The following ESRRB variants were observed in gnomAD, a reference collection of about 807,000 sequenced individuals.
ESRRB encodes estrogen related receptor beta.
A neutral mutation model predicts 46.0 loss-of-function variants in ESRRB; 16 were observed. The ratio of observed to expected loss-of-function variants is 0.35; its 90% CI spans 0.24 to 0.53. The LOEUF (loss-of-function observed/expected upper bound fraction) is 0.53. Ranked by LOEUF, ESRRB falls within the 20% of genes least tolerant of loss-of-function variation. The probability of loss-of-function intolerance (pLI) is 0.93; values close to 1 mark genes in which losing one functional copy is unlikely to be tolerated. For synonymous variants in ESRRB, 246 were observed against 259.6 expected (o/e 0.95, Z 0.50); for missense variants, 488 against 607.4 (o/e 0.80, Z 2.07).
At chr14:76,337,361 A>T (rs559444310) in intron 1 of ESRRB, among the ~76,000 whole-genome samples, 1 of 152,166 alleles carries the variant, frequency 6.6e-6, no homozygotes, top group South Asian at 2.1e-4. Context: ...GATGCAATAG[A>T]GGTGTTAGGT....
rs553762772 is a variant in ESRRB at position 76,323,070 on chromosome 14, G to A, written c.2+12154G>A. Among the ~76,000 whole-genome samples the A allele has an allele frequency of 2.0e-3, 310 of 152,228 alleles. 1 individual carries two copies. The highest frequency in any genetic ancestry group is 7.2e-3 in the African/African-American group (301 of 41,536). On this transcript the variant is annotated intron_variant, in intron 1 of 6. Coordinates refer to the ESRRB transcript ENST00000512784. ...CTTCTGAATGCAGTGGGTGGGGGGC[G>A]TCTGGGGGATGCTAGCATATGTTTA...
At chr14:76,465,860 G>C (rs1274919198) in intron 3 of ESRRB, among the ~76,000 whole-genome samples, 1 of 150,080 alleles carries the variant, frequency 6.7e-6, no homozygotes, top group Non-Finnish European at 1.5e-5. Context: ...GGACAAAGCA[G>C]GGAGCCACGT....
intron 5 of ESRRB, among the ~76,000 whole-genome samples, chr14:76,486,826 C>A (rs1220961009): frequency 1.3e-5 from 2 of 152,158 alleles, no homozygotes; most frequent in African/African-American, 2.4e-5. Context: ...CCAGACCCTC[C>A]CGGTAGCCTC....
At chr14:76,370,317 G>C (rs1884592490), upstream of ESRRB, among the ~76,000 whole-genome samples, 1 of 151,734 alleles carries the variant, frequency 6.6e-6, no homozygotes, top group Non-Finnish European at 1.5e-5. Context: ...AGAATTACTT[G>C]AACTCGGGAG....
intron 1 of ESRRB, among the ~76,000 whole-genome samples, chr14:76,381,647 C>T (rs1173522422): frequency 6.6e-6 from 1 of 152,196 alleles, no homozygotes; most frequent in Non-Finnish European, 1.5e-5. Flanking sequence ...TTGTGACTTC[C>T]ATCTGGTGCT....
At chr14:76,374,728 C>T (rs965295884), upstream of ESRRB, among the ~76,000 whole-genome samples, 2 of 152,074 alleles carry the variant, frequency 1.3e-5, no homozygotes, top group South Asian at 2.1e-4. Flanking sequence ...TTTTAAAAAT[C>T]GGGGGCTGCT....
chr14:76,341,404 G>A (rs946942226), intron 1 of ESRRB, among the ~76,000 whole-genome samples: 1 of 152,220 alleles, frequency 6.6e-6, no homozygotes, highest in Non-Finnish European at 1.5e-5. Context: ...AACAGTTCAT[G>A]TACTCCCCTC....
Position 76,491,592 on chromosome 14 carries a change from C to T in ESRRB, c.996C>T (p.His332=), listed in dbSNP as rs1226343874. The T allele has an allele frequency of 1.9e-6, 3 of 1,588,590 alleles. No individual in the cohort carries two copies. The highest frequency in any genetic ancestry group is 2.3e-5 in the East Asian group (1 of 44,064). ...YAEDYIMDEE[H]SRLAGLLELY... ...AGGACTACATCATGGATGAGGAGCA[C>T]TCCCGCCTCGCGGGGCTGCTGGAGC... Residue 332 remains histidine (H), a synonymous_variant, in exon 6 of 7, where the codon CAC becomes CAT. Coordinates refer to ENST00000644823, the MANE Select transcript of ESRRB (RefSeq NM_001379180.1).
At chr14:76,477,764 A>T (rs989027589) in intron 3 of ESRRB, among the ~76,000 whole-genome samples, 2 of 152,194 alleles carry the variant, frequency 1.3e-5, no homozygotes, top group African/African-American at 4.8e-5. Flanking sequence ...GCGTAATCTG[A>T]TAATTGATAC....
intron 1 of ESRRB, among the ~76,000 whole-genome samples, chr14:76,339,584 G>A (rs11626504): frequency 0.29 from 43,845 of 152,094 alleles, 6,869 homozygotes; most frequent in East Asian, 0.41. Context: ...CTGTACAGCT[G>A]TGTGGACATG....
intron 1 of ESRRB, among the ~76,000 whole-genome samples, chr14:76,437,588 C>T (rs1410319133): frequency 6.6e-6 from 1 of 152,182 alleles, no homozygotes; most frequent in African/African-American, 2.4e-5. Context: ...TTTCCTTTCA[C>T]CTGCTCCAGG....
At chr14:76,498,145 C>T in intron 6 of ESRRB, 69 bp from the exon 7 acceptor site, 3 of 1,602,936 alleles carry the variant, frequency 1.9e-6, no homozygotes, top group Non-Finnish European at 2.6e-6. Flanking sequence ...CTCCTGGACC[C>T]CAAGATGGCC....
intron 1 of ESRRB, among the ~76,000 whole-genome samples, chr14:76,393,617 C>T (rs915158371): frequency 3.4e-4 from 51 of 152,090 alleles, no homozygotes; most frequent in Admixed American, 2.4e-3. Context: ...GTCCCCTGGT[C>T]GGTGCCCAGG....
At chr14:76,326,561 G>A (rs138707938) in intron 1 of ESRRB, among the ~76,000 whole-genome samples, 156 of 152,306 alleles carry the variant, frequency 1.0e-3, no homozygotes, top group African/African-American at 3.5e-3. Context: ...AAAGTTCATG[G>A]ACAGTGAGTG....
At chr14:76,336,410 T>C (rs1595048439) in intron 1 of ESRRB, among the ~76,000 whole-genome samples, 1 of 152,214 alleles carries the variant, frequency 6.6e-6, no homozygotes, top group East Asian at 1.9e-4. Context: ...CATGGTTTAA[T>C]AGAGAGCAGG....
intron 1 of ESRRB, among the ~76,000 whole-genome samples, chr14:76,401,029 G>C (rs1201121287): frequency 1.3e-5 from 2 of 152,160 alleles, no homozygotes; most frequent in African/African-American, 4.8e-5. Flanking sequence ...TCCTTTTGCC[G>C]TTTTACCCCG....
intron 1 of ESRRB, among the ~76,000 whole-genome samples, chr14:76,314,472 C>T (rs11626073): frequency 0.12 from 18,345 of 152,054 alleles, 1,434 homozygotes; most frequent in Non-Finnish European, 0.16. Flanking sequence ...GCTCCTGTGT[C>T]GTCTGGTGGG....
rs1884792767 is a variant in ESRRB at position 76,376,970 on chromosome 14, C to A, written c.50+519C>A. ...GAAACTGCAGGCGGCCAGTGCCGCT[C>A]TCGCCTCGCGGTCTCCGTGGGGCGC... On this transcript the variant is annotated intron_variant, in intron 1 of 6. Coordinates refer to ENST00000644823, the MANE Select transcript of ESRRB (RefSeq NM_001379180.1). This position sits in a 1 kb window ranked among gnomAD's most constrained non-coding sequence, Gnocchi z 4.1. 6.6e-6 allele frequency among the ~76,000 whole-genome samples: 1 copy of A among 152,344 alleles called. No individual in the cohort carries two copies. Among genetic ancestry groups the A allele is most frequent in the East Asian group, 1.9e-4 (1 of 5,166 alleles).
At chr14:76,356,895 C>T (rs1269835446) in intron 1 of ESRRB, among the ~76,000 whole-genome samples, 1 of 152,222 alleles carries the variant, frequency 6.6e-6, no homozygotes, top group East Asian at 1.9e-4. Context: ...CCATGATTTC[C>T]ATCTCTCCTG....
Sources: allele counts gnomAD v4.1 joint callset (sites outside exome capture counted in the v4.1 genomes callset), GRCh38; gene constraint gnomAD v4.1.1; non-coding constraint Gnocchi (gnomAD v3.1); transcripts MANE v1.5; gene names NCBI Gene and HGNC (gene_info 2026-07-23, HGNC 2026-07-21).